Variants in IDO1 observed in about 807,000 individuals in gnomAD.
IDO1 encodes indolamine 2,3 dioxygenase.
A neutral mutation model predicts 38.8 loss-of-function variants in IDO1; 35 were observed. The ratio of observed to expected loss-of-function variants is 0.90; its 90% CI spans 0.69 to 1.20. The LOEUF is 1.20. IDO1 is among the 50% of genes most tolerant of loss of function. IDO1 has a pLI of 0.00. For synonymous variants in IDO1, 171 were observed against 170.0 expected, an observed-to-expected ratio of 1.01 and a Z score of -0.05; for missense variants, 509 against 485.1, an observed-to-expected ratio of 1.05 and a Z score of -0.46.
chr8:39,916,081 G>A (rs915782294), intron 1 of IDO1, among the ~76,000 whole-genome samples: 3 of 152,104 alleles, frequency 2.0e-5, no homozygotes, highest in South Asian at 4.1e-4. Context: ...CAGGAGAATC[G>A]CTTGAACCTG....
intron 1 of IDO1, among the ~76,000 whole-genome samples, chr8:39,914,716 C>A (rs758141390): frequency 6.3e-4 from 96 of 151,876 alleles, no homozygotes; most frequent in Non-Finnish European, 1.0e-3. Context: ...ACAAATTAAC[C>A]CTTTCCATTC....
chr8:39,919,817 G>A (rs185895851), intron 4 of IDO1, among the ~76,000 whole-genome samples: 43 of 152,260 alleles, frequency 2.8e-4, no homozygotes, highest in Non-Finnish European at 4.7e-4. Flanking sequence ...ACCAGCCTGG[G>A]TGACAGAATG....
chr8:39,918,355 G>A lies in IDO1; in HGVS notation c.303+148G>A, dbSNP rs1049009829. On this transcript the variant is annotated intron_variant, in intron 3 of 9. Transcript: ENST00000518237. ...AAAATGATAAAGAAAATATGCCCTG[G>A]CTTGACATGTCCACTGTTATCATTA... 8 of 680,546 alleles carry A rather than the reference G, an allele frequency of 1.2e-5. No individual in the cohort carries two copies. In the African/African-American group the frequency reaches 1.4e-4, roughly 12 times the overall value. 42.2% of individuals were successfully genotyped at this position (680,546 alleles called of 1,614,324 possible).
chr8:39,915,293 T>C (rs1807158368), intron 1 of IDO1, among the ~76,000 whole-genome samples: 1 of 152,170 alleles, frequency 6.6e-6, no homozygotes, highest in Non-Finnish European at 1.5e-5. Context: ...ACAAGGTACA[T>C]GGGATTCCAG....
intron 1 of IDO1, 131 bp downstream of exon 1, chr8:39,914,140 TAG>T (rs1300815172): frequency 3.2e-5 from 20 of 632,352 alleles, no homozygotes; most frequent in Non-Finnish European, 5.1e-5. Flanking sequence ...GTGTAAAAAT[TAG>T]AGAGCTGTAA....
At chr8:39,918,549 C>A in intron 3 of IDO1, 1 of 462,488 alleles carries the variant, frequency 2.2e-6, no homozygotes, top group East Asian at 4.1e-5. Context: ...AGTTCAAGAC[C>A]AACTTGGCTA....
rs1807395716 is a variant in IDO1 at position 39,928,104 on chromosome 8, A to G, written c.1131A>G (p.Lys377=). Residue 377 remains lysine (K), a synonymous_variant, in exon 10 of 10, where the codon AAA becomes AAG. Coordinates refer to ENST00000518237, the MANE Select transcript of IDO1 (RefSeq NM_002164.6). ...TSEDPSKLEA[K]GTGGTDLMNF... is the part of the protein sequence containing the mutation. ...AAGACCCTTCAAAACTGGAAGCCAA[A>G]GGAACTGGAGGCACTGATTTAATGA... 2 of 1,613,492 alleles carry G rather than the reference A, an allele frequency of 1.2e-6. No homozygotes were observed. The highest frequency in any genetic ancestry group is 1.7e-6 in the Non-Finnish European group (2 of 1,179,740).
Position 39,923,519 on chromosome 8 carries a change from G to A in IDO1, c.588G>A (p.Leu196=), listed in dbSNP as rs1807310664. The A allele has an allele frequency of 6.2e-7, 1 of 1,613,320 alleles. No individual in the cohort carries two copies. Among genetic ancestry groups the A allele is most frequent in the South Asian group, 1.1e-5 (1 of 91,076 alleles). ...KAMQMQERDT[L]LKALLEIASC... is the part of the protein sequence containing the mutation. ...TGCAAATGCAAGAACGGGACACTTTGCTAAAGGCGCTGTTGGAAATAGCTT... is the reference window on the plus strand; with the variant it reads ...TGCAAATGCAAGAACGGGACACTTTACTAAAGGCGCTGTTGGAAATAGCTT... The change falls in exon 7 of 10, where the codon TTG becomes TTA. Residue 196 remains leucine, a synonymous_variant. Transcript: ENST00000518237.
rs1264008915 is a variant in IDO1, at chr8:39,928,401, T to C, written c.*216T>C. The stretch of plus-strand genomic sequence containing the variant: ...AAGTTTTGTAATCTGTATCTTATCA[T>C]TGGAATAAAATGACATTCAATAAAT... On this transcript the variant is annotated 3_prime_UTR_variant, in exon 10 of 10. Coordinates refer to ENST00000518237, the MANE Select transcript of IDO1 (RefSeq NM_002164.6). 4.3e-6 allele frequency: 2 copies of C among 466,838 alleles called. No individual in the cohort carries two copies. Among genetic ancestry groups the C allele is most frequent in the Non-Finnish European group, 7.6e-6 (2 of 264,258 alleles). The allele number at this position is 466,838 out of a possible 1,614,324, so 28.9% of individuals were successfully genotyped here.
intron 4 of IDO1, 192 bp downstream of exon 4, chr8:39,919,125 G>A: frequency 1.4e-6 from 1 of 724,244 alleles, no homozygotes; most frequent in Non-Finnish European, 2.5e-6. Flanking sequence ...ATATGTGACA[G>A]GTGTATAGTT....
intron 7 of IDO1, among the ~76,000 whole-genome samples, 178 bp from the exon 8 acceptor site, chr8:39,924,543 C>A (rs1807328729): frequency 6.6e-6 from 1 of 152,004 alleles, no homozygotes; most frequent in Admixed American, 6.6e-5. Context: ...GTTTAATGGG[C>A]TTCCTGGAAG....
intron 5 of IDO1, 52 bp downstream of exon 5, chr8:39,920,166 G>T (rs901167079): frequency 2.8e-6 from 4 of 1,447,988 alleles, no homozygotes; most frequent in South Asian, 2.5e-5. Context: ...ACTTATAGTT[G>T]AATGTAGGTT....
intron 1 of IDO1, among the ~76,000 whole-genome samples, chr8:39,916,626 T>G (rs1807178840): frequency 6.6e-6 from 1 of 152,242 alleles, no homozygotes; most frequent in Non-Finnish European, 1.5e-5. Context: ...AATGTCTGTT[T>G]TATCTCTCAT....
intron 9 of IDO1, among the ~76,000 whole-genome samples, 172 bp from the exon 10 acceptor site, chr8:39,927,658 G>T (rs114529262): frequency 6.6e-6 from 1 of 151,550 alleles, no homozygotes; most frequent in Non-Finnish European, 1.5e-5. Context: ...CAATAATTAC[G>T]ATTGCTAGTA....
At chr8:39,923,195 G>A (rs893619584) in intron 6 of IDO1, among the ~76,000 whole-genome samples, 2 of 152,108 alleles carry the variant, frequency 1.3e-5, no homozygotes, top group African/African-American at 4.8e-5. Flanking sequence ...CTTGAAGTCA[G>A]GAGTTCGAGA....
intron 1 of IDO1, 65 bp downstream of exon 1, chr8:39,914,074 A>T (rs1296450639): frequency 1.7e-6 from 2 of 1,149,732 alleles, no homozygotes; most frequent in Admixed American, 2.0e-5. Flanking sequence ...TGGCCAAGTT[A>T]ACTTCTACTG....
chr8:39,928,392 A>G lies in IDO1; in HGVS notation c.*207A>G. On this transcript the variant is annotated 3_prime_UTR_variant, in exon 10 of 10. Coordinates refer to ENST00000518237, the MANE Select transcript of IDO1 (RefSeq NM_002164.6). Reference sequence around the variant, plus strand: ...TTATACTAGAAGTTTTGTAATCTGTATCTTATCATTGGAATAAAATGACAT... The same window carrying G: ...TTATACTAGAAGTTTTGTAATCTGTGTCTTATCATTGGAATAAAATGACAT... 2 of 487,750 alleles carry G rather than the reference A, an allele frequency of 4.1e-6. No individual in the cohort carries two copies. The highest frequency in any genetic ancestry group is 7.2e-6 in the Non-Finnish European group (2 of 276,646). 30.2% of individuals were successfully genotyped at this position (487,750 alleles called of 1,614,324 possible). A position where few individuals can be genotyped will look rare whatever the true frequency, so the allele number is the denominator to read the frequency against.
At chr8:39,918,034 A>G (rs566056086) in intron 2 of IDO1, 54 bp from the exon 3 acceptor site, 23 of 1,612,148 alleles carry the variant, frequency 1.4e-5, no homozygotes, top group Middle Eastern at 1.7e-4. Flanking sequence ...CTTGGTTTTG[A>G]AGCATAAAAC....
chr8:39,926,202 A>G (rs1420329340), intron 9 of IDO1, among the ~76,000 whole-genome samples: 1 of 152,210 alleles, frequency 6.6e-6, no homozygotes, highest in Non-Finnish European at 1.5e-5. Context: ...AAATTAATAA[A>G]TAAAAACAAA....
Sources: gnomAD v4.1 joint callset for allele counts (sites outside exome capture counted in the v4.1 genomes callset) on GRCh38, gnomAD v4.1.1 for gene constraint, MANE v1.5 for transcripts, NCBI Gene and HGNC (gene_info 2026-07-23, HGNC 2026-07-21) for gene names.